Variants in SVEP1 observed in about 807,000 individuals in gnomAD.
SVEP1 encodes sushi, von Willebrand factor type A, EGF and pentraxin domain-containing protein 1.
A neutral mutation model predicts 367.3 loss-of-function variants in SVEP1; 164 were observed. The observed-to-expected ratio is 0.45, with a 90% CI of 0.39 to 0.51. The LOEUF is 0.51. Ranked by LOEUF, SVEP1 falls within the 20% of genes least tolerant of loss-of-function variation. The pLI is 0.00. For missense variants in SVEP1, 4,117 were observed against 4,425.3 expected (o/e 0.93, Z 1.98); for synonymous variants, 1,666 against 1,611.6 (o/e 1.03, Z -0.81).
chr9:110,462,958 A>G (rs1441257919), intron 18 of SVEP1, among the ~76,000 whole-genome samples: 2 of 152,122 alleles, frequency 1.3e-5, no homozygotes, highest in African/African-American at 4.8e-5. Flanking sequence ...AGAGAATTTC[A>G]GGTTCTCTTA....
At chr9:110,570,154 T>C (rs1407993057) in intron 1 of SVEP1, among the ~76,000 whole-genome samples, 1 of 152,134 alleles carries the variant, frequency 6.6e-6, no homozygotes, top group Non-Finnish European at 1.5e-5. Flanking sequence ...GGCAATCCAG[T>C]CTTCATATGG....
chr9:110,540,027 A>G (rs1489745952), intron 3 of SVEP1, among the ~76,000 whole-genome samples: 1 of 152,116 alleles, frequency 6.6e-6, no homozygotes, highest in East Asian at 1.9e-4. Flanking sequence ...AAAATGCTCC[A>G]GAGAGTTATT....
chr9:110,490,139 T>C (rs1829345472), intron 8 of SVEP1, among the ~76,000 whole-genome samples: 2 of 152,160 alleles, frequency 1.3e-5, no homozygotes, highest in African/African-American at 4.8e-5. Context: ...GACCCAAACA[T>C]TTCCATTGTA....
intron 4 of SVEP1, 135 bp downstream of exon 4, chr9:110,513,813 C>T (rs1829758855): frequency 3.8e-6 from 4 of 1,048,320 alleles, no homozygotes; most frequent in Non-Finnish European, 5.4e-6. Flanking sequence ...CAAATCATCC[C>T]ACTCCCCCAA....
chr9:110,451,215 A>G (rs557679939), intron 23 of SVEP1, 74 bp downstream of exon 23: 1 of 1,166,908 alleles, frequency 8.6e-7, no homozygotes, highest in South Asian at 1.4e-5. Context: ...ATTAATATAT[A>G]TGTTAAGAAA....
At chr9:110,460,174 A>AT (rs1331032785) in intron 18 of SVEP1, among the ~76,000 whole-genome samples, 7 of 152,236 alleles carry the variant, frequency 4.6e-5, no homozygotes, top group Admixed American at 3.3e-4. Context: ...TGACACAATT[A>AT]TTTTTCAGAA....
chr9:110,563,334 A>G (rs1466470707), intron 1 of SVEP1, among the ~76,000 whole-genome samples: 3 of 152,218 alleles, frequency 2.0e-5, no homozygotes, highest in African/African-American at 7.2e-5. Flanking sequence ...AAAGAGTGAG[A>G]GACAAAAACT....
In SVEP1 at chr9:110,579,308, C is replaced by G; in HGVS notation, c.236G>C (p.Ser79Thr). Residue 79 changes from serine to threonine, a missense_variant, in exon 1 of 48, where the codon AGC becomes ACC. Transcript: ENST00000374469. This position sits in a 1 kb window ranked among gnomAD's most constrained non-coding sequence, Gnocchi z 5.3. ...CAGGAAGACAAGCTCCAGGCGCTCG[C>G]TGAGCTCCCGCAGCAGCCGCACGCG... is the stretch of plus-strand genomic sequence containing the variant. Reference protein sequence around the residue: ...RRRVRLLRELSERLELVFLVD... With the variant: ...RRRVRLLRELTERLELVFLVD... 1.3e-6 allele frequency: 2 copies of G among 1,565,546 alleles called. No individual in the cohort carries two copies. Among genetic ancestry groups the G allele is most frequent in the Non-Finnish European group, 1.7e-6 (2 of 1,157,006 alleles).
intron 1 of SVEP1, among the ~76,000 whole-genome samples, chr9:110,550,566 C>G (rs1400663906): frequency 6.6e-6 from 1 of 152,018 alleles, no homozygotes; most frequent in Non-Finnish European, 1.5e-5. Context: ...TGGTCATACA[C>G]CAAAATCCTA....
At chr9:110,552,918 C>T (rs141855323) in intron 1 of SVEP1, among the ~76,000 whole-genome samples, 29 of 152,240 alleles carry the variant, frequency 1.9e-4, no homozygotes, top group Admixed American at 8.5e-4. Flanking sequence ...TTTTAAGACA[C>T]CTGAAGGAGT....
chr9:110,472,446 T>A (rs1829035505), intron 14 of SVEP1, 123 bp from the exon 15 acceptor site: 2 of 886,632 alleles, frequency 2.3e-6, no homozygotes, highest in Non-Finnish European at 3.3e-6. Context: ...CATAACATAC[T>A]GCATACAGGG....
At chr9:110,401,164 G>C (rs1827855173) in intron 39 of SVEP1, among the ~76,000 whole-genome samples, 155 bp from the exon 40 acceptor site, 1 of 152,062 alleles carries the variant, frequency 6.6e-6, no homozygotes, top group South Asian at 2.1e-4. Flanking sequence ...TTATATGTGG[G>C]CTTAAAAAAC....
At chr9:110,572,573 A>C (rs1364545948) in intron 1 of SVEP1, among the ~76,000 whole-genome samples, 1 of 152,168 alleles carries the variant, frequency 6.6e-6, no homozygotes, top group Non-Finnish European at 1.5e-5. Flanking sequence ...TCAAATTAAA[A>C]ATTTTAGGCC....
chr9:110,467,636 CT>C (rs11366981), intron 17 of SVEP1, among the ~76,000 whole-genome samples: 43,795 of 133,762 alleles, frequency 0.33, 7,385 homozygotes, highest in African/African-American at 0.52. Flanking sequence ...GTCTTTTTTA[CT>C]TTTTTTTTTT....
chr9:110,422,863 C>T (rs1317621515), intron 36 of SVEP1, among the ~76,000 whole-genome samples: 56 of 76,738 alleles, frequency 7.3e-4, no homozygotes, highest in Non-Finnish European at 1.2e-3. Context: ...AGTAAACTAT[C>T]GCAAGAACAA....
chr9:110,389,898 T>C (rs1827600565), intron 40 of SVEP1, among the ~76,000 whole-genome samples: 1 of 151,716 alleles, frequency 6.6e-6, no homozygotes, highest in Non-Finnish European at 1.5e-5. Context: ...AGTAGTCAAA[T>C]AGTAGTATTC....
intron 5 of SVEP1, among the ~76,000 whole-genome samples, chr9:110,512,494 C>T (rs1375669421): frequency 3.3e-5 from 5 of 151,984 alleles, no homozygotes; most frequent in Admixed American, 6.6e-5. Flanking sequence ...CTTTCTATAA[C>T]GGGTCGACTA....
At chr9:110,527,485 G>T (rs1011006838) in intron 3 of SVEP1, among the ~76,000 whole-genome samples, 1 of 151,866 alleles carries the variant, frequency 6.6e-6, no homozygotes, top group Admixed American at 6.6e-5. Context: ...CTCCATAAAG[G>T]ATTCACTAAC....
At chr9:110,423,871 G>T (rs1228393664) in intron 36 of SVEP1, among the ~76,000 whole-genome samples, 1 of 152,136 alleles carries the variant, frequency 6.6e-6, no homozygotes, top group Non-Finnish European at 1.5e-5. Context: ...CCTTTGGAAG[G>T]TTGTATACCC....
Sources: allele counts gnomAD v4.1 joint callset (sites outside exome capture counted in the v4.1 genomes callset), GRCh38; gene constraint gnomAD v4.1.1; non-coding constraint Gnocchi (gnomAD v3.1); transcripts MANE v1.5; gene names NCBI Gene and HGNC (gene_info 2026-07-23, HGNC 2026-07-21).